Variants in RIMS2 observed in about 807,000 individuals in gnomAD.
The protein encoded by RIMS2 is regulating synaptic membrane exocytosis protein 2.
A neutral mutation model predicts 174.4 loss-of-function variants in RIMS2; 59 were observed. That is an observed-to-expected ratio of 0.34 (90% CI 0.27 to 0.42). The LOEUF (loss-of-function observed/expected upper bound fraction) is 0.42. Among genes scored for constraint, RIMS2 ranks in the 10% least tolerant of loss-of-function variants. RIMS2 has a pLI of 1.00. For synonymous variants in RIMS2, 606 were observed against 572.5 expected (o/e 1.06, Z -0.84); for missense variants, 1,620 against 1,666.3 (o/e 0.97, Z 0.48).
intron 1 of RIMS2, among the ~76,000 whole-genome samples, chr8:103,540,775 A>G (rs757835179): frequency 2.0e-4 from 30 of 152,178 alleles, no homozygotes; most frequent in Non-Finnish European, 3.1e-4. Context: ...GATCAAGAAA[A>G]CAGCAAATGA....
chr8:104,109,313 A>AAT (rs2098135400), intron 19 of RIMS2, among the ~76,000 whole-genome samples: 1 of 151,374 alleles, frequency 6.6e-6, no homozygotes, highest in African/African-American at 2.4e-5. Context: ...AAAAAAAAAA[A>AAT]AAAAGAAATA....
intron 3 of RIMS2, among the ~76,000 whole-genome samples, chr8:103,827,052 T>G (rs2098795613): frequency 6.6e-6 from 1 of 152,140 alleles, no homozygotes; most frequent in South Asian, 2.1e-4. Flanking sequence ...TTGCGATGTA[T>G]TTTTGTAGAT....
At chr8:103,622,801 C>G (rs2095666930) in intron 1 of RIMS2, among the ~76,000 whole-genome samples, 1 of 152,312 alleles carries the variant, frequency 6.6e-6, no homozygotes, top group East Asian at 1.9e-4. Context: ...GGAAACTGAT[C>G]TAGTCACTCG....
intron 1 of RIMS2, among the ~76,000 whole-genome samples, chr8:103,572,770 AATTT>A (rs1438481176): frequency 1.3e-4 from 19 of 151,928 alleles, no homozygotes; most frequent in South Asian, 2.1e-4. Flanking sequence ...TTTATTTGTC[AATTT>A]ATTTAAGTTC....
intron 19 of RIMS2, among the ~76,000 whole-genome samples, chr8:104,244,078 C>T (rs2099317721): frequency 1.3e-5 from 2 of 152,120 alleles, no homozygotes; most frequent in Admixed American, 1.3e-4. Flanking sequence ...AGCTCAAATC[C>T]CACAGCCTCT....
intron 3 of RIMS2, among the ~76,000 whole-genome samples, chr8:103,876,062 A>G (rs538918664): frequency 3.3e-5 from 5 of 151,860 alleles, no homozygotes; most frequent in Admixed American, 6.6e-5. Flanking sequence ...TAGGTTGTCT[A>G]TGTGCTCTGT....
At chr8:103,927,835 T>G (rs2079072122) in intron 10 of RIMS2, 1 of 1,604,164 alleles carries the variant, frequency 6.2e-7, no homozygotes, top group Admixed American at 1.7e-5. Context: ...TTAATTTTGC[T>G]TACCAGAGCC....
At chr8:103,935,693 A>G (rs2081080325) in intron 12 of RIMS2, among the ~76,000 whole-genome samples, 1 of 152,218 alleles carries the variant, frequency 6.6e-6, no homozygotes, top group Non-Finnish European at 1.5e-5. Flanking sequence ...ATCCTGTCTA[A>G]TAAGCAAGAG....
chr8:104,136,576 A>AGAAAAT (rs1238451233), intron 19 of RIMS2, among the ~76,000 whole-genome samples: 1 of 152,236 alleles, frequency 6.6e-6, no homozygotes, highest in Non-Finnish European at 1.5e-5. Context: ...GACTGTATAA[A>AGAAAAT]GAAAATGTGG....
At chr8:103,521,573 C>T (rs974372496) in intron 1 of RIMS2, among the ~76,000 whole-genome samples, 1 of 152,100 alleles carries the variant, frequency 6.6e-6, no homozygotes, top group Admixed American at 6.6e-5. Flanking sequence ...ATGGGTTCCT[C>T]TCCATTCTAG....
At chr8:103,554,999 T>C (rs956220242) in intron 1 of RIMS2, among the ~76,000 whole-genome samples, 2 of 152,052 alleles carry the variant, frequency 1.3e-5, no homozygotes, top group Admixed American at 1.3e-4. Context: ...ATGGACACAA[T>C]GAAGGGAATA....
intron 3 of RIMS2, among the ~76,000 whole-genome samples, chr8:103,814,551 G>C (rs2098707281): frequency 6.6e-6 from 1 of 152,106 alleles, no homozygotes; most frequent in Admixed American, 6.6e-5. Flanking sequence ...TAAACAATTT[G>C]AATTATTACA....
chr8:103,502,389 T>A (rs1820706194), intron 1 of RIMS2, among the ~76,000 whole-genome samples: 1 of 152,190 alleles, frequency 6.6e-6, no homozygotes, highest in South Asian at 2.1e-4. Context: ...TCACAAATCT[T>A]AGAGAAAGAT....
At chr8:104,171,278 T>G (rs1181527988) in intron 19 of RIMS2, among the ~76,000 whole-genome samples, 1 of 151,334 alleles carries the variant, frequency 6.6e-6, no homozygotes, top group Non-Finnish European at 1.5e-5. Context: ...ATACTAATTA[T>G]TCTTAGGCTT....
intron 14 of RIMS2, among the ~76,000 whole-genome samples, chr8:103,946,071 T>G (rs2083675147): frequency 1.3e-5 from 2 of 152,198 alleles, no homozygotes; most frequent in South Asian, 2.1e-4. Context: ...GACGTGATTC[T>G]ATATGTAGAA....
chr8:104,197,088 T>G (rs2099028547), intron 19 of RIMS2, among the ~76,000 whole-genome samples: 1 of 152,166 alleles, frequency 6.6e-6, no homozygotes, highest in South Asian at 2.1e-4. Flanking sequence ...TTGTTGTGTT[T>G]GTCATACATT....
chr8:103,568,691 A>ATAT, intron 1 of RIMS2: 1 of 724,426 alleles, frequency 1.4e-6, no homozygotes, highest in South Asian at 1.4e-5. Context: ...TAGCAGCTTC[A>ATAT]TGGTTTTGTT....
chr8:104,071,628 G>A (rs1598228155), intron 19 of RIMS2, among the ~76,000 whole-genome samples: 1 of 152,124 alleles, frequency 6.6e-6, no homozygotes, highest in Non-Finnish European at 1.5e-5. Context: ...AGTAGAGACG[G>A]GGTTTCACCG....
chr8:103,565,793 A>T (rs955543728), intron 1 of RIMS2, among the ~76,000 whole-genome samples: 1 of 152,038 alleles, frequency 6.6e-6, no homozygotes, highest in Admixed American at 6.6e-5. Context: ...TGAGACCTTG[A>T]CCCCAGCCAC....
Sources: gnomAD v4.1 joint callset for allele counts (sites outside exome capture counted in the v4.1 genomes callset) on GRCh38, gnomAD v4.1.1 for gene constraint, MANE v1.5 for transcripts, NCBI Gene and HGNC (gene_info 2026-07-23, HGNC 2026-07-21) for gene names.